RAP2A: variants seen among roughly 807,000 people sequenced by gnomAD.
The protein encoded by RAP2A is RAP2A, member of RAS oncogene family, also known as ras-related protein Rap-2a.
A neutral mutation model predicts 15.1 loss-of-function variants in RAP2A; 5 were observed. That is an observed-to-expected ratio of 0.33 (90% CI 0.17 to 0.70). RAP2A has a LOEUF of 0.70. Ranked by LOEUF, RAP2A falls within the 30% of genes least tolerant of loss-of-function variation. The pLI, the probability that RAP2A is intolerant of heterozygous loss-of-function variation, is 0.68. For missense variants in RAP2A, 111 were observed against 240.3 expected (o/e 0.46, Z 3.56); for synonymous variants, 110 against 99.7 (o/e 1.10, Z -0.62).
intron 1 of RAP2A, among the ~76,000 whole-genome samples, chr13:97,455,114 C>G (rs1566474350): frequency 1.3e-5 from 2 of 151,206 alleles, no homozygotes; most frequent in African/African-American, 2.4e-5. Context: ...TTTTTTCAAT[C>G]TTTTTTCTCT....
rs7995650 is a variant in RAP2A at position 97,468,391 on chromosome 13, C to G, written c.*3949C>G. On this transcript the variant is annotated 3_prime_UTR_variant, in exon 2 of 2. Transcript: ENST00000245304. ...TTTCTGTTTTCAGGTCATGTGGATC[C>G]GAAGGTGCCAGAAGCTGAAGGTTGC... The G allele has an allele frequency of 6.6e-6, 1 of 152,136 alleles. No homozygotes were observed. The highest frequency in any genetic ancestry group is 6.5e-5 in the Admixed American group (1 of 15,268). 9.4% of individuals were successfully genotyped at this position (152,136 alleles called of 1,614,324 possible).
At chr13:97,451,589 A>T (rs959390012) in intron 1 of RAP2A, among the ~76,000 whole-genome samples, 17 of 152,134 alleles carry the variant, frequency 1.1e-4, no homozygotes, top group Non-Finnish European at 2.5e-4. Flanking sequence ...GGGCATCTGG[A>T]TAGTTTCTAG....
At chr13:97,444,459 T>C (rs1251040206) in intron 1 of RAP2A, among the ~76,000 whole-genome samples, 1 of 152,224 alleles carries the variant, frequency 6.6e-6, no homozygotes, top group Non-Finnish European at 1.5e-5. Context: ...GCTAGTTATA[T>C]ATAGTAACAT....
At chr13:97,453,882 A>G (rs150425208) in intron 1 of RAP2A, among the ~76,000 whole-genome samples, 14 of 151,220 alleles carry the variant, frequency 9.3e-5, no homozygotes, top group Middle Eastern at 3.4e-3. Flanking sequence ...TATTTTAGCC[A>G]TTATGATAAA....
chr13:97,462,024 T>TTATATATTTATATATATTTATA (rs1457384463), intron 1 of RAP2A, among the ~76,000 whole-genome samples: 7 of 144,124 alleles, frequency 4.9e-5, no homozygotes, highest in Non-Finnish European at 7.6e-5. Context: ...ATATAGATAT[T>TTATATATTTATATATATTTATA]TATATATTTA....
intron 1 of RAP2A, among the ~76,000 whole-genome samples, chr13:97,458,411 T>C (rs1477246982): frequency 6.6e-6 from 1 of 152,144 alleles, no homozygotes; most frequent in Non-Finnish European, 1.5e-5. Context: ...CAGTTTATCA[T>C]TGGTGAATAA....
intron 1 of RAP2A, among the ~76,000 whole-genome samples, chr13:97,452,799 G>C (rs1164426604): frequency 2.0e-5 from 3 of 151,196 alleles, no homozygotes; most frequent in Non-Finnish European, 3.0e-5. Flanking sequence ...ATTTTATTTA[G>C]ATATTTTTAC....
At chr13:97,449,711 T>C (rs946134440) in intron 1 of RAP2A, among the ~76,000 whole-genome samples, 7 of 146,306 alleles carry the variant, frequency 4.8e-5, no homozygotes, top group African/African-American at 1.5e-4. Flanking sequence ...CCTTTCTTCA[T>C]TGTGCATTTG....
intron 1 of RAP2A, among the ~76,000 whole-genome samples, chr13:97,460,618 C>T (rs2066742269): frequency 6.6e-6 from 1 of 152,154 alleles, no homozygotes; most frequent in Admixed American, 6.5e-5. Flanking sequence ...GGCTTCTTTC[C>T]CTTCAGCGTC....
intron 1 of RAP2A, among the ~76,000 whole-genome samples, chr13:97,461,143 T>C (rs905166281): frequency 6.6e-6 from 1 of 152,172 alleles, no homozygotes; most frequent in African/African-American, 2.4e-5. Flanking sequence ...CCCTTTTTAC[T>C]ATCAAAGAAA....
chr13:97,438,886 GTAT>G (rs1347718366), intron 1 of RAP2A, among the ~76,000 whole-genome samples: 1 of 152,164 alleles, frequency 6.6e-6, no homozygotes, highest in Non-Finnish European at 1.5e-5. Flanking sequence ...AAAAGTATTT[GTAT>G]TGTTGTTTGG....
At chr13:97,436,748 TATC>T (rs1406257319) in intron 1 of RAP2A, among the ~76,000 whole-genome samples, 1 of 152,224 alleles carries the variant, frequency 6.6e-6, no homozygotes, top group Non-Finnish European at 1.5e-5. Flanking sequence ...GCATGCCCAG[TATC>T]ATTTTACTCA....
At chr13:97,437,244 G>C (rs2066637964) in intron 1 of RAP2A, 3 of 152,030 alleles carry the variant, frequency 2.0e-5, no homozygotes, top group Admixed American at 6.5e-5. Context: ...TCTTTATACT[G>C]TGTCTTCAAA....
rs1330595361 is a variant in RAP2A at position 97,466,223 on chromosome 13, AGATT to A, written c.*1785_*1788del. ...GCTTAGAGGGTGAAAAAAAAAAAAA[AGATT>A]GATAGTATTTTTCATAATGAAAAAA... On this transcript the variant is annotated 3_prime_UTR_variant, in exon 2 of 2. Coordinates refer to ENST00000245304, the MANE Select transcript of RAP2A (RefSeq NM_021033.7). The A allele has an allele frequency of 1.3e-5, 2 of 151,728 alleles. No homozygotes were observed. The highest frequency in any genetic ancestry group is 6.6e-5 in the Admixed American group (1 of 15,236). 9.4% of individuals were successfully genotyped at this position (151,728 alleles called of 1,614,324 possible). A position where few individuals can be genotyped will look rare whatever the true frequency, so the allele number is the denominator to read the frequency against.
chr13:97,458,455 C>T (rs1008746908), intron 1 of RAP2A, among the ~76,000 whole-genome samples: 1 of 152,044 alleles, frequency 6.6e-6, no homozygotes, highest in East Asian at 1.9e-4. Context: ...CTGGACTTGC[C>T]GCATATGGAA....
At chr13:97,449,089 CCA>C (rs1420927581) in intron 1 of RAP2A, among the ~76,000 whole-genome samples, 2 of 152,072 alleles carry the variant, frequency 1.3e-5, no homozygotes, top group East Asian at 1.9e-4. Context: ...TGACCGCATT[CCA>C]CACAGGCTGT....
rs2066704458 is a variant in RAP2A at position 97,452,106 on chromosome 13, C to G, written c.315-12099C>G. The stretch of plus-strand genomic sequence containing the variant: ...ACCTTTTCACTCACTTAATAGTTTC[C>G]TTGAGTGAGCATAAATTCTTAATTT... On this transcript the variant is annotated intron_variant, in intron 1 of 1. Transcript: ENST00000245304. 2.0e-5 allele frequency among the ~76,000 whole-genome samples: 3 copies of G among 151,130 alleles called. No homozygotes were observed. The South Asian group carries it at 6.3e-4, about 32-fold the overall frequency.
chr13:97,438,245 T>A (rs1594321529), intron 1 of RAP2A, among the ~76,000 whole-genome samples: 1 of 152,184 alleles, frequency 6.6e-6, no homozygotes, highest in Non-Finnish European at 1.5e-5. Flanking sequence ...CTCTTTGCTG[T>A]TAGGAAAAAG....
rs1402117873 is a variant in RAP2A, at chr13:97,441,580, AT to A, written c.314+6804del. On this transcript the variant is annotated intron_variant, in intron 1 of 1. Transcript: ENST00000245304. ...AACCAAGTACACTGTACTTAAGGGA[AT>A]TTTTTTTCAGGGGTATTTTTTTCTT... 3.3e-5 allele frequency among the ~76,000 whole-genome samples: 5 copies of A among 152,004 alleles called. No homozygotes were observed. The South Asian group carries it at 1.0e-3, about 32-fold the overall frequency.
Sources: allele counts gnomAD v4.1 joint callset (sites outside exome capture counted in the v4.1 genomes callset), GRCh38; gene constraint gnomAD v4.1.1; transcripts MANE v1.5; gene names NCBI Gene and HGNC (gene_info 2026-07-23, HGNC 2026-07-21).